SLC22A15: variants seen among roughly 807,000 people sequenced by gnomAD.
The protein encoded by SLC22A15 is solute carrier family 22 member 15.
A neutral mutation model predicts 62.7 loss-of-function variants in SLC22A15; 45 were observed. That is an observed-to-expected ratio of 0.72 (90% CI 0.56 to 0.92). The LOEUF (loss-of-function observed/expected upper bound fraction) is 0.92, where lower values mean the gene tolerates loss of function less well. Among genes scored for constraint, SLC22A15 ranks in the 40% least tolerant of loss-of-function variants. The pLI, the probability that SLC22A15 is intolerant of heterozygous loss-of-function variation, is 0.00. For synonymous variants in SLC22A15, 264 were observed against 267.0 expected (o/e 0.99, Z 0.11); for missense variants, 622 against 665.6 (o/e 0.93, Z 0.72).
intron 5 of SLC22A15, among the ~76,000 whole-genome samples, chr1:116,031,088 CAT>C (rs1255094383): frequency 6.6e-6 from 1 of 151,956 alleles, no homozygotes; most frequent in Non-Finnish European, 1.5e-5. Flanking sequence ...TTAAAATTCA[CAT>C]ATTAAAATTT....
At chr1:116,061,791 TA>T (rs1658386190) in intron 8 of SLC22A15, among the ~76,000 whole-genome samples, 1 of 152,064 alleles carries the variant, frequency 6.6e-6, no homozygotes, top group Admixed American at 6.6e-5. Context: ...TGAACTGACA[TA>T]AAATATATTT....
chr1:116,057,707 C>T (rs898981803), intron 8 of SLC22A15, among the ~76,000 whole-genome samples: 3 of 152,132 alleles, frequency 2.0e-5, no homozygotes, highest in African/African-American at 7.2e-5. Flanking sequence ...CACATATACA[C>T]CATGGAATAC....
Position 115,976,588 on chromosome 1 carries a change from G to GAGGGCGGT in SLC22A15, c.-39_-32dup. ...CGCTGGGCGGGAGGGCAGCGCCTGA[G>GAGGGCGGT]AGGGCGGTGGGGTGGCGGGGTTCCT... On this transcript the variant is annotated 5_prime_UTR_variant, in exon 1 of 12. Transcript: ENST00000369503. 1.3e-6 allele frequency: 2 copies of GAGGGCGGT among 1,488,294 alleles called. No homozygotes were observed. The highest frequency in any genetic ancestry group is 1.8e-6 in the Non-Finnish European group (2 of 1,101,130). 92.2% of individuals were successfully genotyped at this position (1,488,294 alleles called of 1,614,324 possible). A position where few individuals can be genotyped will look rare whatever the true frequency, so the allele number is the denominator to read the frequency against.
intron 8 of SLC22A15, among the ~76,000 whole-genome samples, chr1:116,049,132 A>G (rs763636327): frequency 4.3e-4 from 65 of 152,234 alleles, no homozygotes; most frequent in Non-Finnish European, 7.1e-4. Context: ...AATGAGATAG[A>G]CAGCAACATA....
At chr1:115,980,453 A>T (rs974024386) in intron 1 of SLC22A15, among the ~76,000 whole-genome samples, 2 of 152,210 alleles carry the variant, frequency 1.3e-5, no homozygotes, top group African/African-American at 2.4e-5. Context: ...ACAAGACTGG[A>T]TAAGATGTGG....
intron 8 of SLC22A15, among the ~76,000 whole-genome samples, chr1:116,054,593 C>T (rs1194531062): frequency 1.3e-5 from 2 of 152,192 alleles, no homozygotes; most frequent in Non-Finnish European, 2.9e-5. Context: ...CCCAAATCAA[C>T]AGAATATACA....
chr1:116,024,157 C>T (rs1656976759), intron 4 of SLC22A15, among the ~76,000 whole-genome samples: 1 of 152,136 alleles, frequency 6.6e-6, no homozygotes, highest in African/African-American at 2.4e-5. Context: ...TAGTTGGCCA[C>T]ATGAAACCAG....
intron 2 of SLC22A15, among the ~76,000 whole-genome samples, chr1:116,008,030 C>T (rs1656071186): frequency 6.6e-6 from 1 of 152,134 alleles, no homozygotes; most frequent in Non-Finnish European, 1.5e-5. Context: ...ATCGACTCTG[C>T]CTGGGCCCCT....
chr1:116,028,983 C>T (rs935177172), intron 5 of SLC22A15, among the ~76,000 whole-genome samples: 7 of 152,120 alleles, frequency 4.6e-5, no homozygotes, highest in Admixed American at 3.9e-4. Context: ...CTTTGAGTGG[C>T]CCTTATGTTT....
rs1448010577 is a variant in SLC22A15 at position 116,055,439 on chromosome 1, G to A, written c.1172-7323G>A. ...TAGCTTACCAACCAAAAAGAGTCCA[G>A]GACCAGATGGATTCACAGCCAAATT... On this transcript the variant is annotated intron_variant, in intron 8 of 11. Transcript: ENST00000369503. Among the ~76,000 whole-genome samples the A allele has an allele frequency of 5.1e-4, 75 of 148,272 alleles. 1 individual carries two copies. Among genetic ancestry groups the A allele is most frequent in the Non-Finnish European group, 1.5e-4 (10 of 66,514 alleles).
intron 2 of SLC22A15, among the ~76,000 whole-genome samples, chr1:116,018,601 G>GTCT (rs199862388): frequency 0.23 from 35,062 of 152,004 alleles, 4,542 homozygotes; most frequent in East Asian, 0.48. Flanking sequence ...TCCTAACCTT[G>GTCT]TGATCTGCCC....
intron 2 of SLC22A15, among the ~76,000 whole-genome samples, chr1:116,003,043 A>G (rs1380422534): frequency 6.6e-6 from 1 of 152,054 alleles, no homozygotes; most frequent in African/African-American, 2.4e-5. Context: ...TTCAAGGTCT[A>G]AGGGCTGTTT....
At chr1:116,016,828 T>G (rs1184908982) in intron 2 of SLC22A15, among the ~76,000 whole-genome samples, 11 of 152,106 alleles carry the variant, frequency 7.2e-5, no homozygotes. Flanking sequence ...ACATCCCAAG[T>G]CCATTCAGTT....
chr1:116,043,506 T>G (rs1657847363), intron 8 of SLC22A15, among the ~76,000 whole-genome samples: 1 of 152,088 alleles, frequency 6.6e-6, no homozygotes, highest in African/African-American at 2.4e-5. Flanking sequence ...TATAATTCTT[T>G]TAAGTATCAG....
intron 2 of SLC22A15, among the ~76,000 whole-genome samples, chr1:116,012,382 A>T (rs945102855): frequency 2.0e-5 from 3 of 151,316 alleles, no homozygotes; most frequent in African/African-American, 4.8e-5. Context: ...TAGTTCATGG[A>T]TTAGCCTGGG....
intron 1 of SLC22A15, among the ~76,000 whole-genome samples, chr1:115,989,451 T>G (rs1412322621): frequency 6.6e-6 from 1 of 152,194 alleles, no homozygotes; most frequent in Non-Finnish European, 1.5e-5. Flanking sequence ...TTCTTTTATC[T>G]GTAAGGTTGC....
chr1:115,976,619 C>G lies in SLC22A15; in HGVS notation c.-9C>G. ...GGTGGGGTGGCGGGGTTCCTGCGCG[C>G]GGCCCGCCATGGAGGTGGAGGAGGC... On this transcript the variant is annotated 5_prime_UTR_variant, in exon 1 of 12. Transcript: ENST00000369503. 1 of 1,566,428 alleles carries G rather than the reference C, an allele frequency of 6.4e-7. No individual in the cohort carries two copies. Among genetic ancestry groups the G allele is most frequent in the South Asian group, 1.1e-5 (1 of 87,920 alleles).
chr1:116,069,135 A>G lies in SLC22A15; in HGVS notation c.*2027A>G, dbSNP rs936615072. ...TATCCCTGGGTTTCCTTTCTTAGCT[A>G]TGGGGTGGAAGATAGGAGGGGGAGA... On this transcript the variant is annotated 3_prime_UTR_variant, in exon 12 of 12. Coordinates refer to ENST00000369503, the MANE Select transcript of SLC22A15 (RefSeq NM_018420.3). 6.7e-6 allele frequency: 1 copy of G among 149,790 alleles called. No individual in the cohort carries two copies. The highest frequency in any genetic ancestry group is 1.5e-5 in the Non-Finnish European group (1 of 67,164). 9.3% of individuals were successfully genotyped at this position (149,790 alleles called of 1,614,324 possible). A position where few individuals can be genotyped will look rare whatever the true frequency, so the allele number is the denominator to read the frequency against.
intron 5 of SLC22A15, among the ~76,000 whole-genome samples, chr1:116,028,631 A>G (rs1657224942): frequency 6.6e-6 from 1 of 150,820 alleles, no homozygotes; most frequent in African/African-American, 2.4e-5. Context: ...GTCGTGAAAA[A>G]TAGAAAGCAG....
Sources: allele counts gnomAD v4.1 joint callset (sites outside exome capture counted in the v4.1 genomes callset), GRCh38; gene constraint gnomAD v4.1.1; transcripts MANE v1.5; gene names NCBI Gene and HGNC (gene_info 2026-07-23, HGNC 2026-07-21).